MICU3: variants seen among roughly 807,000 people sequenced by gnomAD.
MICU3 encodes calcium uptake protein 3, mitochondrial.
In MICU3, 62 loss-of-function variants were observed where a neutral mutation model predicts 66.5. The observed-to-expected ratio is 0.93, with a 90% CI of 0.76 to 1.15. The LOEUF (loss-of-function observed/expected upper bound fraction) is 1.15. Ranked by LOEUF, MICU3 falls within the 50% of genes most tolerant of loss-of-function variation. The pLI, the probability that MICU3 is intolerant of heterozygous loss-of-function variation, is 0.00. For missense variants in MICU3, 779 were observed against 664.4 expected (o/e 1.17, Z -1.90); for synonymous variants, 308 against 240.7 (o/e 1.28, Z -2.59).
At chr8:17,087,913 C>T (rs1585424115) in intron 7 of MICU3, among the ~76,000 whole-genome samples, 1 of 152,134 alleles carries the variant, frequency 6.6e-6, no homozygotes, top group East Asian at 1.9e-4. Flanking sequence ...ACATTTGTTT[C>T]ATTTGCAAAT....
rs1331629674 is a variant in MICU3 at position 17,092,612 on chromosome 8, CTA to C, written c.888+2030_888+2031del. 1.1e-4 allele frequency among the ~76,000 whole-genome samples: 16 copies of C among 151,994 alleles called. No homozygotes were observed. The East Asian group carries it at 3.1e-3, about 29-fold the overall frequency. On this transcript the variant is annotated intron_variant, in intron 8 of 14. Coordinates refer to ENST00000318063, the MANE Select transcript of MICU3 (RefSeq NM_181723.3). ...AATATTACAGGATTTTTCAACTCCT[CTA>C]TGAGTTTACTTGGTTAGATAAACTA...
intron 11 of MICU3, among the ~76,000 whole-genome samples, chr8:17,106,367 A>C (rs998741731): frequency 6.6e-6 from 1 of 151,848 alleles, no homozygotes; most frequent in Non-Finnish European, 1.5e-5. Flanking sequence ...AAAAGACTTC[A>C]TGCATTTGGC....
intron 1 of MICU3, among the ~76,000 whole-genome samples, chr8:17,057,790 G>A (rs961263216): frequency 6.6e-6 from 1 of 152,026 alleles, no homozygotes; most frequent in African/African-American, 2.4e-5. Flanking sequence ...TTGGCTTTAA[G>A]GTTAGCTTTC....
rs770288058 is a variant in MICU3, at chr8:17,027,290, T to C, written c.11T>C (p.Leu4Pro). 3.9e-6 allele frequency: 5 copies of C among 1,276,838 alleles called. No individual in the cohort carries two copies. The Admixed American group carries it at 7.4e-5, about 19-fold the overall frequency. 79.1% of individuals were successfully genotyped at this position (1,276,838 alleles called of 1,614,324 possible). A position where few individuals can be genotyped will look rare whatever the true frequency, so the allele number is the denominator to read the frequency against. Residue 4 changes from leucine (L) to proline (P), a missense_variant, in exon 1 of 15, where the codon CTG becomes CCG. Physicochemically the swap from Leu to Pro is moderately conservative, Grantham distance 98. Coordinates refer to ENST00000318063, the MANE Select transcript of MICU3 (RefSeq NM_181723.3). MAALRRLLWPPPRV... is the reference protein window; with the variant it reads MAAPRRLLWPPPRV... ...TGGGCGGCCTCCGCTATGGCTGCGC[T>C]GCGAAGGCTCTTGTGGCCGCCACCC...
chr8:17,052,621 A>T (rs143501079), intron 1 of MICU3, among the ~76,000 whole-genome samples: 35 of 152,336 alleles, frequency 2.3e-4, no homozygotes, highest in Admixed American at 1.9e-3. Context: ...GATCTCAGCC[A>T]GGGAAGTACT....
At chr8:17,124,846 C>G (rs529770175), downstream of MICU3, among the ~76,000 whole-genome samples, 1 of 152,028 alleles carries the variant, frequency 6.6e-6, no homozygotes, top group Non-Finnish European at 1.5e-5. Flanking sequence ...CCCAAGAAAT[C>G]AGATGCTATA....
intron 3 of MICU3, among the ~76,000 whole-genome samples, chr8:17,074,069 T>A (rs914065346): frequency 7.9e-5 from 12 of 151,606 alleles, no homozygotes; most frequent in Middle Eastern, 3.4e-3. Flanking sequence ...TTTTTTTTAT[T>A]TTTTATTTTT....
intron 1 of MICU3, among the ~76,000 whole-genome samples, chr8:17,057,341 C>T (rs1817098413): frequency 6.6e-6 from 1 of 152,138 alleles, no homozygotes; most frequent in Non-Finnish European, 1.5e-5. Context: ...AAATCAGGAG[C>T]TCAGTTCTTG....
At position 17,090,528 on chromosome 8, in the gene MICU3, C is replaced by T. The variant is rs778740647; in HGVS notation, c.850-18C>T. 6.2e-7 allele frequency: 1 copy of T among 1,608,420 alleles called. No homozygotes were observed. The highest frequency in any genetic ancestry group is 8.5e-7 in the Non-Finnish European group (1 of 1,177,346). On this transcript the variant is annotated intron_variant, in intron 7 of 14. Coordinates refer to ENST00000318063, the MANE Select transcript of MICU3 (RefSeq NM_181723.3). ...CTGAAATATGACACTTCATTTGGCC[C>T]TTTGTGCTCTATGTCAGCGTCTTCA...
At chr8:17,052,736 G>A (rs1816308560) in intron 1 of MICU3, among the ~76,000 whole-genome samples, 1 of 152,074 alleles carries the variant, frequency 6.6e-6, no homozygotes, top group Non-Finnish European at 1.5e-5. Context: ...GGAATTTGAG[G>A]TTTAACCTTT....
rs149488200 is a variant in MICU3, at chr8:17,107,888, C to T, written c.1257+2304C>T. Among the ~76,000 whole-genome samples, 789 of 152,258 alleles carry T rather than the reference C, an allele frequency of 5.2e-3. 7 individuals carry two copies. The highest frequency in any genetic ancestry group is 0.018 in the African/African-American group (747 of 41,536). On this transcript the variant is annotated intron_variant, in intron 11 of 14. Coordinates refer to ENST00000318063, the MANE Select transcript of MICU3 (RefSeq NM_181723.3). ...ATTCATGTTTCAAGAGATATCTTGG[C>T]TGCTACATAACAGAATAGATTTTAG...
rs764968370 is a variant in MICU3 at position 17,064,220 on chromosome 8, C to A, written c.518C>A (p.Thr173Lys). ...MTPYDFILAV[T>K]TDEPKVAKTW... ...CCGTATGATTTTATTTTGGCTGTTA[C>A]AACAGATGAGCCCAAAGGTAAGTAC... Residue 173 changes from threonine (T) to lysine (K), a missense_variant, in exon 2 of 15, where the codon ACA becomes AAA. By Grantham distance (78) the Thr-to-Lys change is moderately conservative. Coordinates refer to ENST00000318063, the MANE Select transcript of MICU3 (RefSeq NM_181723.3). 2 of 1,611,610 alleles carry A rather than the reference C, an allele frequency of 1.2e-6. No homozygotes were observed. Among genetic ancestry groups the A allele is most frequent in the Non-Finnish European group, 1.7e-6 (2 of 1,178,540 alleles).
chr8:17,074,591 G>A (rs6994269), intron 3 of MICU3, among the ~76,000 whole-genome samples: 367 of 11,046 alleles, frequency 0.033, 2 homozygotes, highest in African/African-American at 0.26. Flanking sequence ...ATGTTAAAAC[G>A]TGTGTGTGTG....
chr8:17,120,411 A>G lies in MICU3; in HGVS notation c.*124A>G, dbSNP rs1226762804. 1 of 152,088 alleles carries G rather than the reference A, an allele frequency of 6.6e-6. No homozygotes were observed. The highest frequency in any genetic ancestry group is 1.9e-4 in the East Asian group (1 of 5,188). 9.4% of individuals were successfully genotyped at this position (152,088 alleles called of 1,614,324 possible). ...GAGAATGAAGGAAAAGGTGAATGCT[A>G]TGAAATTGATATTTTTTCTGGAACT... On this transcript the variant is annotated 3_prime_UTR_variant, in exon 15 of 15. Transcript: ENST00000318063.
Position 17,104,392 on chromosome 8 carries a change from G to A in MICU3, c.986G>A (p.Arg329His), listed in dbSNP as rs374645079. 28 of 1,378,140 alleles carry A rather than the reference G, an allele frequency of 2.0e-5. No individual in the cohort carries two copies. The highest frequency in any genetic ancestry group is 1.5e-4 in the East Asian group (6 of 38,976). The allele number at this position is 1,378,140 out of a possible 1,614,324, so 85.4% of individuals were successfully genotyped here. A position where few individuals can be genotyped will look rare whatever the true frequency, so the allele number is the denominator to read the frequency against. ...TTTAAATTGTGATTTTTTTTTAAGC[G>A]TGCTGATGACATCACAAGTTTAGTA... ...SQALFSDLAE[R>H]ADDITSLVTD... The change falls in exon 10 of 15, where the codon CGT (arginine) becomes CAT (histidine). Residue 329 changes from arginine (R) to histidine (H), a missense_variant and splice_region_variant. Arg to His is a conservative substitution (Grantham distance 29, BLOSUM62 0). Coordinates refer to ENST00000318063, the MANE Select transcript of MICU3 (RefSeq NM_181723.3).
chr8:17,113,096 T>C (rs1478067611), intron 11 of MICU3, among the ~76,000 whole-genome samples: 1 of 152,192 alleles, frequency 6.6e-6, no homozygotes, highest in Non-Finnish European at 1.5e-5. Flanking sequence ...AAGTAACATA[T>C]ACCAAAAGCT....
intron 1 of MICU3, among the ~76,000 whole-genome samples, chr8:17,047,167 C>T (rs1185710940): frequency 6.6e-6 from 1 of 152,040 alleles, no homozygotes; most frequent in Non-Finnish European, 1.5e-5. Flanking sequence ...GAAAAATTAG[C>T]ATGAAAAAGC....
chr8:17,078,289 A>C (rs1339463132), intron 4 of MICU3, among the ~76,000 whole-genome samples: 1 of 152,190 alleles, frequency 6.6e-6, no homozygotes, highest in South Asian at 2.1e-4. Context: ...ATTAACAGGA[A>C]AAATTTAGTG....
At chr8:17,132,913 T>G in the MICU3 span, 1 of 152,172 alleles carries the variant, frequency 6.6e-6, no homozygotes, top group Non-Finnish European at 1.5e-5. Context: ...GGAACCCTCA[T>G]AAATGAGATT....
Sources: gnomAD v4.1 joint callset for allele counts (sites outside exome capture counted in the v4.1 genomes callset) on GRCh38, gnomAD v4.1.1 for gene constraint, MANE v1.5 for transcripts, NCBI Gene and HGNC (gene_info 2026-07-23, HGNC 2026-07-21) for gene names.